The following DEFB1 variants were observed in gnomAD, a reference collection of about 807,000 sequenced individuals.
DEFB1 encodes the protein defensin beta 1.
DEFB1 carries 4 observed loss-of-function variants against 2.6 expected under a neutral mutation model. The observed-to-expected ratio is 1.53, with a 90% CI of 0.76 to 3.51. The LOEUF (loss-of-function observed/expected upper bound fraction) is 3.51. Among genes scored for constraint, DEFB1 ranks in the 30% most tolerant of loss-of-function variants. DEFB1 has a pLI of 0.01. For missense variants in DEFB1, 162 were observed against 76.9 expected, an observed-to-expected ratio of 2.11 and a Z score of -4.14; for synonymous variants, 56 against 28.5, an observed-to-expected ratio of 1.96 and a Z score of -3.07.
Position 6,870,818 on chromosome 8 carries a change from A to G in DEFB1, c.70T>C (p.Phe24Leu), listed in dbSNP as rs535932437. The G allele has an allele frequency of 3.1e-6, 5 of 1,612,902 alleles. No homozygotes were observed. The African/African-American group carries it at 5.3e-5, about 17-fold the overall frequency. ...GATCTGTGGCCAAGGCCTGTGAGAA[A>G]GTTACCACCTGTAAGGAGGGAACAC... is the stretch of plus-strand genomic sequence containing the variant. ...LLSEMASGGN[F>L]LTGLGHRSDH... Residue 24 changes from phenylalanine to leucine, a missense_variant, in exon 2 of 2, where the codon TTT becomes CTT. Transcript: ENST00000297439.
At position 6,870,766 on chromosome 8, in the gene DEFB1, C is replaced by T. The variant is rs1403393324; in HGVS notation, c.122G>A (p.Gly41Glu). The change falls in exon 2 of 2, where the codon GGA (glycine) becomes GAA (glutamate). Residue 41 changes from glycine (G) to glutamate (E), a missense_variant. Coordinates refer to ENST00000297439, the MANE Select transcript of DEFB1 (RefSeq NM_005218.4). ...RSDHYNCVSS[G>E]GQCLYSACPI... Reference sequence around the variant, plus strand: ...GCAGGCAGAATAGAGACATTGCCCTCCACTGCTGACGCAATTGTAATGATC... The same window carrying T: ...GCAGGCAGAATAGAGACATTGCCCTTCACTGCTGACGCAATTGTAATGATC... 6.2e-7 allele frequency: 1 copy of T among 1,614,208 alleles called. No individual in the cohort carries two copies. Among genetic ancestry groups the T allele is most frequent in the South Asian group, 1.1e-5 (1 of 91,078 alleles).
At chr8:6,870,946 A>T in intron 1 of DEFB1, 120 bp from the exon 2 acceptor site, 1 of 1,160,866 alleles carries the variant, frequency 8.6e-7, no homozygotes. Context: ...CTTCCAAGAA[A>T]TTGGCCCATG....
At position 6,872,361 on chromosome 8, in the gene DEFB1, C is replaced by G. The variant is rs564119724; in HGVS notation, c.62-1535G>C. Among the ~76,000 whole-genome samples, 570 of 152,330 alleles carry G rather than the reference C, an allele frequency of 3.7e-3. 1 individual carries two copies. The highest frequency in any genetic ancestry group is 0.013 in the African/African-American group (537 of 41,580). ...ACCCTAGCCGCATTGCAAGTGCTCA[C>G]GAGCACTATGTGGCTAGTGGGTGCT... is the stretch of plus-strand genomic sequence containing the variant. On this transcript the variant is annotated intron_variant, in intron 1 of 1. Coordinates refer to ENST00000297439, the MANE Select transcript of DEFB1 (RefSeq NM_005218.4).
intron 1 of DEFB1, among the ~76,000 whole-genome samples, chr8:6,876,596 G>C (rs1806538285): frequency 6.6e-6 from 1 of 152,040 alleles, no homozygotes; most frequent in Non-Finnish European, 1.5e-5. Flanking sequence ...AGGAGTTTGA[G>C]ACCAGCCTGG....
At position 6,870,667 on chromosome 8, in the gene DEFB1, T is replaced by G; in HGVS notation, c.*14A>C. The G allele has an allele frequency of 1.2e-6, 2 of 1,603,276 alleles. No individual in the cohort carries two copies. Among genetic ancestry groups the G allele is most frequent in the Non-Finnish European group, 1.7e-6 (2 of 1,177,252 alleles). On this transcript the variant is annotated 3_prime_UTR_variant, in exon 2 of 2. Transcript: ENST00000297439. ...CATTTCACTTCTGCGTCATTTCTTCTGGTCACTCCCAGCTCACTTGCAGCA... is the reference window on the plus strand; with the variant it reads ...CATTTCACTTCTGCGTCATTTCTTCGGGTCACTCCCAGCTCACTTGCAGCA...
chr8:6,877,647 T>G (rs1002602032), intron 1 of DEFB1, 150 bp downstream of exon 1: 9 of 676,832 alleles, frequency 1.3e-5, no homozygotes, highest in Non-Finnish European at 2.3e-5. Context: ...CCTGCTGCCT[T>G]CTGCCAACTG....
At chr8:6,873,095 C>A (rs781478318) in intron 1 of DEFB1, among the ~76,000 whole-genome samples, 2 of 152,060 alleles carry the variant, frequency 1.3e-5, no homozygotes. Flanking sequence ...CAGAGGAGGC[C>A]CAAATTTAAT....
chr8:6,872,548 A>G (rs1048792206), intron 1 of DEFB1, among the ~76,000 whole-genome samples: 3 of 152,154 alleles, frequency 2.0e-5, no homozygotes, highest in Admixed American at 1.3e-4. Context: ...AGGTTTGGGA[A>G]GGGCCCGGAA....
intron 1 of DEFB1, among the ~76,000 whole-genome samples, chr8:6,876,258 T>C (rs1262724143): frequency 6.6e-6 from 1 of 151,960 alleles, no homozygotes; most frequent in Non-Finnish European, 1.5e-5. Context: ...AGGCGGACCA[T>C]GAGGTCAGGA....
chr8:6,870,963 C>A (rs1323374556), intron 1 of DEFB1, 137 bp from the exon 2 acceptor site: 3 of 972,814 alleles, frequency 3.1e-6, no homozygotes, highest in African/African-American at 1.6e-5. Flanking sequence ...CATGATTGAT[C>A]TTTGGGGCTA....
chr8:6,876,889 G>C (rs369376529), intron 1 of DEFB1, among the ~76,000 whole-genome samples: 2 of 149,542 alleles, frequency 1.3e-5, no homozygotes, highest in Non-Finnish European at 3.0e-5. Flanking sequence ...GCAACTGGCA[G>C]CATGAAAAGT....
At chr8:6,872,897 A>G (rs2980928) in intron 1 of DEFB1, among the ~76,000 whole-genome samples, 125,321 of 152,194 alleles carry the variant, frequency 0.82, 51,813 homozygotes, top group Middle Eastern at 0.89. Flanking sequence ...CTGGAAAGAT[A>G]CTTAGAGGAT....
chr8:6,872,639 T>G (rs984876746), intron 1 of DEFB1, among the ~76,000 whole-genome samples: 6 of 152,198 alleles, frequency 3.9e-5, no homozygotes, highest in African/African-American at 1.4e-4. Context: ...GGCACTCTGG[T>G]TCTCCCATCC....
In DEFB1 at chr8:6,870,692, A is replaced by C. The variant is rs1284262377; in HGVS notation, c.196T>G (p.Cys66Gly). The change falls in exon 2 of 2, where the codon TGC becomes GGC. Residue 66 changes from cysteine (C) to glycine (G), a missense_variant. Coordinates refer to ENST00000297439, the MANE Select transcript of DEFB1 (RefSeq NM_005218.4). Reference sequence around the variant, plus strand: ...TGGTCACTCCCAGCTCACTTGCAGCACTTGGCCTTCCCTCTGTAACAGGTG... The same window carrying C: ...TGGTCACTCCCAGCTCACTTGCAGCCCTTGGCCTTCCCTCTGTAACAGGTG... ...QGTCYRGKAK[C>G]CK 14 of 1,614,142 alleles carry C rather than the reference A, an allele frequency of 8.7e-6. No individual in the cohort carries two copies. In the East Asian group the frequency reaches 2.9e-4, roughly 33 times the overall value.
chr8:6,877,827 G>C lies in DEFB1; in HGVS notation c.31C>G (p.Leu11Val), dbSNP rs549676840. 3.1e-6 allele frequency: 5 copies of C among 1,614,076 alleles called. No homozygotes were observed. The African/African-American group carries it at 6.7e-5, about 22-fold the overall frequency. Residue 11 changes from leucine to valine, a missense_variant, in exon 1 of 2, where the codon CTC (leucine) becomes GTC (valine). Coordinates refer to ENST00000297439, the MANE Select transcript of DEFB1 (RefSeq NM_005218.4). Reference sequence around the variant, plus strand: ...GCCATCTCAGACAAAAGTAAGCAGAGAGTAAACAGCAGAAGGTAGGAAGTT... The same window carrying C: ...GCCATCTCAGACAAAAGTAAGCAGACAGTAAACAGCAGAAGGTAGGAAGTT... MRTSYLLLFT[L>V]CLLLSEMASG...
chr8:6,871,143 G>T (rs1292738560), intron 1 of DEFB1, among the ~76,000 whole-genome samples: 2 of 152,176 alleles, frequency 1.3e-5, no homozygotes, highest in Non-Finnish European at 1.5e-5. Context: ...TTTCTGCCTT[G>T]TCTCAACACA....
At chr8:6,873,649 A>C (rs577446483) in intron 1 of DEFB1, among the ~76,000 whole-genome samples, 1 of 151,838 alleles carries the variant, frequency 6.6e-6, no homozygotes, top group Non-Finnish European at 1.5e-5. Flanking sequence ...GTGGGGGCTA[A>C]ACACTGAGAC....
chr8:6,874,643 A>G (rs1339543107), intron 1 of DEFB1, among the ~76,000 whole-genome samples: 2 of 152,236 alleles, frequency 1.3e-5, no homozygotes, highest in African/African-American at 2.4e-5. Flanking sequence ...TTGATGTAGA[A>G]TAGTAGTGGC....
In DEFB1 at chr8:6,873,496, A is replaced by G. The variant is rs1333318584; in HGVS notation, c.62-2670T>C. 2.0e-5 allele frequency among the ~76,000 whole-genome samples: 3 copies of G among 152,302 alleles called. No individual in the cohort carries two copies. The East Asian group carries it at 5.8e-4, about 29-fold the overall frequency. On this transcript the variant is annotated intron_variant, in intron 1 of 1. Transcript: ENST00000297439. The stretch of plus-strand genomic sequence containing the variant: ...AACCTCTCTAGGCAGCAGCTTCTCA[A>G]ATTTAAAACGGAGGAGACTACGCAG...
Sources: gnomAD v4.1 joint callset for allele counts (sites outside exome capture counted in the v4.1 genomes callset) on GRCh38, gnomAD v4.1.1 for gene constraint, MANE v1.5 for transcripts, NCBI Gene and HGNC (gene_info 2026-07-23, HGNC 2026-07-21) for gene names.